The following C12orf50 variants were observed in gnomAD, a reference collection of about 807,000 sequenced individuals.
The protein encoded by C12orf50 is uncharacterized protein C12orf50.
In C12orf50, 35 loss-of-function variants were observed where a neutral mutation model predicts 61.6. The observed-to-expected ratio is 0.57, with a 90% confidence interval of 0.43 to 0.75. The LOEUF (loss-of-function observed/expected upper bound fraction) is 0.75, where lower values mean the gene tolerates loss of function less well. C12orf50 is among the 30% of genes least tolerant of loss of function. The pLI, the probability that C12orf50 is intolerant of heterozygous loss-of-function variation, is 0.00. For synonymous variants in C12orf50, 178 were observed against 161.5 expected, an observed-to-expected ratio of 1.10 and a Z score of -0.77; for missense variants, 475 against 488.5, an observed-to-expected ratio of 0.97 and a Z score of 0.26.
At chr12:88,013,164 A>G (rs907168085) in intron 3 of C12orf50, among the ~76,000 whole-genome samples, 6 of 152,160 alleles carry the variant, frequency 3.9e-5, no homozygotes, top group Non-Finnish European at 7.4e-5. Context: ...AAGAGACATG[A>G]CAACCAATTG....
chr12:88,004,823 C>A (rs1186979757), intron 3 of C12orf50, among the ~76,000 whole-genome samples: 1 of 152,134 alleles, frequency 6.6e-6, no homozygotes, highest in Non-Finnish European at 1.5e-5. Context: ...CAAGTGGGAG[C>A]TGAACATTGA....
Position 88,024,815 on chromosome 12 carries a change from C to T in C12orf50, c.133+1673G>A, listed in dbSNP as rs989384301. Among the ~76,000 whole-genome samples, 6 of 152,052 alleles carry T rather than the reference C, an allele frequency of 3.9e-5. No individual in the cohort carries two copies. In the South Asian group the frequency reaches 1.0e-3, roughly 26 times the overall value. On this transcript the variant is annotated intron_variant, in intron 3 of 12. Coordinates refer to ENST00000298699, the MANE Select transcript of C12orf50 (RefSeq NM_152589.3). The stretch of plus-strand genomic sequence containing the variant: ...GAAAGATAAATGAAGAGAATGTGTC[C>T]TGCAAGCTAGATAGGAAAATTATGT...
At chr12:88,014,551 G>T (rs1490423008) in intron 3 of C12orf50, among the ~76,000 whole-genome samples, 1 of 151,966 alleles carries the variant, frequency 6.6e-6, no homozygotes, top group Non-Finnish European at 1.5e-5. Context: ...CGCCCGCCTC[G>T]GCCTCCCAAA....
Position 87,994,722 on chromosome 12 carries a change from G to T in C12orf50, c.503C>A (p.Thr168Lys), listed in dbSNP as rs1414974289. 2 of 1,611,620 alleles carry T rather than the reference G, an allele frequency of 1.2e-6. No homozygotes were observed. The highest frequency in any genetic ancestry group is 1.3e-5 in the African/African-American group (1 of 74,898). ...TTGCCTTTCATATTGGCTAAGTTTT[G>T]TCGGAACTGTAAGACTATCTCCTAG... ...LQEGDSLTVP[T>K]KLSQYERQGE... Residue 168 changes from threonine (T) to lysine (K), a missense_variant, in exon 7 of 13, where the codon ACA (threonine) becomes AAA (lysine). Transcript: ENST00000298699.
At chr12:88,003,569 T>C (rs1300610075) in intron 3 of C12orf50, among the ~76,000 whole-genome samples, 1 of 152,074 alleles carries the variant, frequency 6.6e-6, no homozygotes, top group Non-Finnish European at 1.5e-5. Context: ...AAATACAGCA[T>C]TTAAAACTAG....
Position 87,994,391 on chromosome 12 carries a change from C to T in C12orf50, c.592+242G>A, listed in dbSNP as rs1386800494. On this transcript the variant is annotated intron_variant, in intron 7 of 12. Coordinates refer to ENST00000298699, the MANE Select transcript of C12orf50 (RefSeq NM_152589.3). The stretch of plus-strand genomic sequence containing the variant: ...ACACACACACACATACATGCACACA[C>T]ACACACAGGTTTCTCATTAAAATAT... Among the ~76,000 whole-genome samples the T allele has an allele frequency of 2.6e-5, 4 of 151,940 alleles. 1 individual carries two copies. Among genetic ancestry groups the T allele is most frequent in the Admixed American group, 2.6e-4 (4 of 15,236 alleles).
chr12:88,027,875 T>G (rs1417571022), intron 1 of C12orf50: 3 of 152,122 alleles, frequency 2.0e-5, no homozygotes, highest in Non-Finnish European at 4.4e-5. Flanking sequence ...CTCTCCTACT[T>G]CCATCTTCAC....
rs752440189 is a variant in C12orf50, at chr12:87,989,378, C to A, written c.593-7G>T. 1.3e-6 allele frequency: 2 copies of A among 1,598,718 alleles called. No homozygotes were observed. The highest frequency in any genetic ancestry group is 2.2e-5 in the South Asian group (2 of 90,108). ...GGAACATAACAGTCACCTCCTATGA[C>A]AAAACCTTACTGTCAGTGGCAACAA... On this transcript the variant is annotated splice_polypyrimidine_tract_variant and splice_region_variant and intron_variant, in intron 7 of 12. Coordinates refer to ENST00000298699, the MANE Select transcript of C12orf50 (RefSeq NM_152589.3).
chr12:88,015,188 C>A (rs2032266533), intron 3 of C12orf50, among the ~76,000 whole-genome samples: 3 of 152,024 alleles, frequency 2.0e-5, no homozygotes, highest in Admixed American at 2.0e-4. Flanking sequence ...ATCCTTATAA[C>A]CATTATGAAT....
At chr12:88,022,362 A>G (rs1483633881) in intron 3 of C12orf50, among the ~76,000 whole-genome samples, 2 of 152,136 alleles carry the variant, frequency 1.3e-5, no homozygotes, top group Non-Finnish European at 2.9e-5. Context: ...TCAAAATAAT[A>G]AGACCCATCT....
At chr12:88,006,061 C>T (rs1032793408) in intron 3 of C12orf50, among the ~76,000 whole-genome samples, 11 of 151,926 alleles carry the variant, frequency 7.2e-5, no homozygotes, top group South Asian at 4.2e-4. Context: ...GGACTACAGG[C>T]GCCCGCCACC....
At position 88,015,549 on chromosome 12, in the gene C12orf50, A is replaced by C. The variant is rs112596173; in HGVS notation, c.133+10939T>G. 5.9e-5 allele frequency among the ~76,000 whole-genome samples: 9 copies of C among 152,342 alleles called. 1 individual carries two copies. Among genetic ancestry groups the C allele is most frequent in the African/African-American group, 2.2e-4 (9 of 41,582 alleles). The stretch of plus-strand genomic sequence containing the variant: ...TCAAGCTAGCTACTGTGTTTGGAAC[A>C]AATTTTTCTTCAGCAAAATATAAGA... On this transcript the variant is annotated intron_variant, in intron 3 of 12. Transcript: ENST00000298699.
At chr12:88,002,531 T>C (rs978140621) in intron 3 of C12orf50, among the ~76,000 whole-genome samples, 2 of 151,798 alleles carry the variant, frequency 1.3e-5, no homozygotes, top group Non-Finnish European at 3.0e-5. Context: ...TTTATTTTCT[T>C]GTTTATAATT....
At chr12:88,024,135 C>G (rs1293925086) in intron 3 of C12orf50, among the ~76,000 whole-genome samples, 1 of 152,098 alleles carries the variant, frequency 6.6e-6, no homozygotes, top group Non-Finnish European at 1.5e-5. Context: ...ATAACAGATG[C>G]TGATGAGGTT....
intron 3 of C12orf50, among the ~76,000 whole-genome samples, chr12:88,022,021 G>A (rs1357705949): frequency 6.6e-6 from 1 of 151,404 alleles, no homozygotes; most frequent in Non-Finnish European, 1.5e-5. Flanking sequence ...ATACCAAAAT[G>A]TGGCAGAAAG....
At chr12:87,986,089 C>T in intron 10 of C12orf50, 36 bp from the exon 11 acceptor site, 1 of 1,597,034 alleles carries the variant, frequency 6.3e-7, no homozygotes, top group Non-Finnish European at 8.6e-7. Flanking sequence ...AGGAATAAAA[C>T]AGGCTGGTTT....
intron 8 of C12orf50, among the ~76,000 whole-genome samples, chr12:87,988,410 C>T (rs1427936473): frequency 6.6e-6 from 1 of 152,180 alleles, no homozygotes; most frequent in African/African-American, 2.4e-5. Flanking sequence ...TTCAATATGG[C>T]AGCCACTAGC....
At chr12:88,009,119 A>G (rs933079498) in intron 3 of C12orf50, among the ~76,000 whole-genome samples, 2 of 152,140 alleles carry the variant, frequency 1.3e-5, no homozygotes, top group South Asian at 2.1e-4. Context: ...TATTTAATAC[A>G]TGTATCCAGA....
chr12:88,029,520 C>T (rs1359413112), upstream of C12orf50: 1 of 152,286 alleles, frequency 6.6e-6, no homozygotes, highest in Non-Finnish European at 1.5e-5. Context: ...CACTGTATTT[C>T]CCTTACTCAG....
Sources: gnomAD v4.1 joint callset for allele counts (sites outside exome capture counted in the v4.1 genomes callset) on GRCh38, gnomAD v4.1.1 for gene constraint, MANE v1.5 for transcripts, NCBI Gene and HGNC (gene_info 2026-07-23, HGNC 2026-07-21) for gene names.